Variants in PCM1 observed in about 807,000 individuals in gnomAD.
PCM1 encodes pericentriolar material 1 protein.
PCM1 carries 157 observed loss-of-function variants against 241.9 expected under a neutral mutation model. That is an observed-to-expected ratio of 0.65 (90% confidence interval 0.57 to 0.74). The LOEUF is 0.74. Among genes scored for constraint, PCM1 ranks in the 30% least tolerant of loss-of-function variants. The pLI is 0.00. For missense variants in PCM1, 3,478 were observed against 2,360.1 expected (o/e 1.47, Z -9.81); for synonymous variants, 1,085 against 784.9 (o/e 1.38, Z -6.39).
At chr8:17,958,097 C>T (rs1363645525) in intron 13 of PCM1, among the ~76,000 whole-genome samples, 3 of 152,038 alleles carry the variant, frequency 2.0e-5, no homozygotes. Flanking sequence ...AACAATATAG[C>T]TGTTTTTATT....
At chr8:18,023,884 A>G (rs1295342713) in intron 36 of PCM1, among the ~76,000 whole-genome samples, 1 of 152,054 alleles carries the variant, frequency 6.6e-6, no homozygotes, top group African/African-American at 2.4e-5. Flanking sequence ...TTTTGATGAT[A>G]ACAACTTTAC....
intron 30 of PCM1, 115 bp downstream of exon 30, chr8:18,006,512 T>G (rs1046692711): frequency 1.5e-6 from 1 of 671,374 alleles, no homozygotes. Flanking sequence ...GGACATCCAA[T>G]CTAGCGTCCA....
chr8:18,013,919 A>T, intron 34 of PCM1, 45 bp from the exon 35 acceptor site: 1 of 1,131,428 alleles, frequency 8.8e-7, no homozygotes, highest in East Asian at 2.4e-5. Context: ...TTTTATAGTG[A>T]CCATATATTT....
intron 6 of PCM1, among the ~76,000 whole-genome samples, chr8:17,945,951 C>A (rs1243089696): frequency 2.6e-5 from 4 of 152,044 alleles, no homozygotes; most frequent in South Asian, 4.1e-4. Context: ...AATCGTTCAA[C>A]TTTTAAAATA....
Position 17,955,637 on chromosome 8 carries a change from C to T in PCM1, c.1456C>T (p.Pro486Ser), listed in dbSNP as rs776224391. The T allele has an allele frequency of 6.2e-7, 1 of 1,612,364 alleles. No homozygotes were observed. Among genetic ancestry groups the T allele is most frequent in the East Asian group, 2.2e-5 (1 of 44,878 alleles). ...GAGTGAAAACGAAGGCCACCTCAAT[C>T]CATCTGAAAAACTCCAGTAAAACAT... ...NESENEGHLNPSEKLQKLNEV... is the reference protein window; with the variant it reads ...NESENEGHLNSSEKLQKLNEV... Residue 486 changes from proline to serine, a missense_variant, in exon 10 of 39, where the codon CCA (proline) becomes TCA (serine). Physicochemically the swap from Pro to Ser is moderately conservative, Grantham distance 74. Transcript: ENST00000325083.
chr8:17,935,898 T>C lies in PCM1; in HGVS notation c.96+192T>C, dbSNP rs115900063. 7.6e-3 allele frequency among the ~76,000 whole-genome samples: 1,153 copies of C among 152,336 alleles called. 9 individuals carry two copies. The highest frequency in any genetic ancestry group is 0.027 in the African/African-American group (1,108 of 41,572). The stretch of plus-strand genomic sequence containing the variant: ...GAGTTTTTAAGCCCCAAAGCAGATT[T>C]ACTGTTACATAAAGATGTAAAAGTG... On this transcript the variant is annotated intron_variant, in intron 3 of 38. Coordinates refer to ENST00000325083, the MANE Select transcript of PCM1 (RefSeq NM_006197.4).
chr8:17,985,230 A>T (rs2082211729), intron 24 of PCM1, among the ~76,000 whole-genome samples: 1 of 151,850 alleles, frequency 6.6e-6, no homozygotes, highest in South Asian at 2.1e-4. Context: ...TATTCATTAA[A>T]GTTTCATTTT....
chr8:17,979,840 C>A (rs1186367631), intron 23 of PCM1, among the ~76,000 whole-genome samples: 1 of 151,904 alleles, frequency 6.6e-6, no homozygotes, highest in African/African-American at 2.4e-5. Flanking sequence ...CAAGAATAGT[C>A]AAGAAAAAAG....
chr8:17,932,244 C>G (rs1284423471), intron 2 of PCM1, among the ~76,000 whole-genome samples: 1 of 152,056 alleles, frequency 6.6e-6, no homozygotes, highest in African/African-American at 2.4e-5. Flanking sequence ...TAATAAACAA[C>G]TTCATTATAG....
chr8:17,960,516 T>C (rs914539714), intron 15 of PCM1, 72 bp downstream of exon 15: 9 of 946,036 alleles, frequency 9.5e-6, no homozygotes, highest in Non-Finnish European at 1.2e-5. Flanking sequence ...AAAGTACTCT[T>C]TTTTGTTTTT....
Position 18,028,916 on chromosome 8 carries a change from C to T in PCM1, c.*1254C>T. On this transcript the variant is annotated 3_prime_UTR_variant, in exon 39 of 39. Transcript: ENST00000325083. ...CCTGTAATCCCAGCACCTTGGGAGG[C>T]CGAGGCGGGCAGATCACGAGGTCAA... 5.5e-6 allele frequency: 1 copy of T among 181,184 alleles called. No individual in the cohort carries two copies. Among genetic ancestry groups the T allele is most frequent in the East Asian group, 9.1e-5 (1 of 11,048 alleles). The allele number at this position is 181,184 out of a possible 1,614,324, so 11.2% of individuals were successfully genotyped here. A position where few individuals can be genotyped will look rare whatever the true frequency, so the allele number is the denominator to read the frequency against.
At chr8:17,971,117 A>G (rs1587361902) in intron 22 of PCM1, among the ~76,000 whole-genome samples, 1 of 152,274 alleles carries the variant, frequency 6.6e-6, no homozygotes, top group East Asian at 1.9e-4. Flanking sequence ...CAGAAATTTT[A>G]TTTTCATATA....
chr8:18,009,513 G>T (rs2092125380), intron 30 of PCM1, 34 bp from the exon 31 acceptor site: 1 of 1,383,030 alleles, frequency 7.2e-7, no homozygotes, highest in East Asian at 2.5e-5. Context: ...GAAGTTTACT[G>T]TCTTTAAAAA....
chr8:18,027,667 T>A lies in PCM1; in HGVS notation c.*5T>A. The A allele has an allele frequency of 1.3e-6, 2 of 1,585,798 alleles. No individual in the cohort carries two copies. The highest frequency in any genetic ancestry group is 1.7e-6 in the Non-Finnish European group (2 of 1,159,396). On this transcript the variant is annotated 3_prime_UTR_variant, in exon 39 of 39. Coordinates refer to ENST00000325083, the MANE Select transcript of PCM1 (RefSeq NM_006197.4). ...GTGGGAGCCCAGAGTATATGAGATG[T>A]CTTCAGAGGCTCATCTAACTCTGTC...
intron 32 of PCM1, 146 bp downstream of exon 32, chr8:18,010,814 A>G (rs544535773): frequency 2.1e-4 from 124 of 584,382 alleles, no homozygotes; most frequent in African/African-American, 2.0e-3. Context: ...AACCCCGTCC[A>G]TACTAAAAAT....
In PCM1 at chr8:17,960,021, A is replaced by T. The variant is rs1312855925; in HGVS notation, c.2048A>T (p.Asp683Val). The change falls in exon 14 of 39, where the codon GAT becomes GTT. Residue 683 changes from aspartate to valine, a missense_variant. Transcript: ENST00000325083. ...GTAATGATGCTCTTTCAGGATGATG[A>T]TGCAGCTCAAGGAGTTATCTCTGCC... ...QDLVAMVQDDDAAQGVISASA... is the reference protein window; with the variant it reads ...QDLVAMVQDDVAAQGVISASA... 1 of 1,612,558 alleles carries T rather than the reference A, an allele frequency of 6.2e-7. No individual in the cohort carries two copies. Among genetic ancestry groups the T allele is most frequent in the South Asian group, 1.1e-5 (1 of 90,682 alleles).
At chr8:18,021,203 G>A (rs2093724445) in intron 36 of PCM1, among the ~76,000 whole-genome samples, 1 of 152,116 alleles carries the variant, frequency 6.6e-6, no homozygotes, top group Admixed American at 6.6e-5. Context: ...CAGCCAGCTG[G>A]TCCTTCCTGA....
chr8:18,025,371 C>G lies in PCM1; in HGVS notation c.5852C>G (p.Ser1951Cys), dbSNP rs1305354604. 6 of 1,576,230 alleles carry G rather than the reference C, an allele frequency of 3.8e-6. No homozygotes were observed. The African/African-American group carries it at 5.4e-5, about 14-fold the overall frequency. ...TTCATTACATTACAGGAAGCAGAAT[C>G]TGGTAATATAAGTCAAAAGTCTGAT... is the stretch of plus-strand genomic sequence containing the variant. Reference protein sequence around the residue: ...PVLVNDYEAESGNISQKSDEE... With the variant: ...PVLVNDYEAECGNISQKSDEE... Residue 1951 changes from serine (S) to cysteine (C), a missense_variant, in exon 37 of 39, where the codon TCT (serine) becomes TGT (cysteine). Transcript: ENST00000325083.
At chr8:17,987,303 C>T (rs1186913853) in intron 26 of PCM1, among the ~76,000 whole-genome samples, 1 of 151,756 alleles carries the variant, frequency 6.6e-6, no homozygotes, top group Non-Finnish European at 1.5e-5. Context: ...GTTTATTGGG[C>T]ACTGAAACAA....
Sources: allele counts gnomAD v4.1 joint callset (sites outside exome capture counted in the v4.1 genomes callset), GRCh38; gene constraint gnomAD v4.1.1; transcripts MANE v1.5; gene names NCBI Gene and HGNC (gene_info 2026-07-23, HGNC 2026-07-21).